Variants in KIAA1549L observed in about 807,000 individuals in gnomAD.
KIAA1549L encodes UPF0606 protein KIAA1549L.
KIAA1549L carries 88 observed loss-of-function variants against 160.7 expected under a neutral mutation model. That is an observed-to-expected ratio of 0.55 (90% CI 0.46 to 0.65). The LOEUF is 0.65. Among genes scored for constraint, KIAA1549L ranks in the 30% least tolerant of loss-of-function variants. KIAA1549L has a pLI of 0.00. For synonymous variants in KIAA1549L, 950 were observed against 976.7 expected, an observed-to-expected ratio of 0.97 and a Z score of 0.51; for missense variants, 2,258 against 2,437.5, an observed-to-expected ratio of 0.93 and a Z score of 1.55.
intron 1 of KIAA1549L, among the ~76,000 whole-genome samples, chr11:33,481,265 A>G (rs749497707): frequency 2.2e-4 from 32 of 146,550 alleles, no homozygotes; most frequent in Admixed American, 6.6e-4. Flanking sequence ...TGATATTACT[A>G]TTTATTTATT....
At chr11:33,558,845 T>C (rs1202392408) in intron 6 of KIAA1549L, among the ~76,000 whole-genome samples, 1 of 151,730 alleles carries the variant, frequency 6.6e-6, no homozygotes, top group Non-Finnish European at 1.5e-5. Flanking sequence ...TTTTCTTTTT[T>C]TTTTTTTTTG....
rs1312701571 is a variant in KIAA1549L at position 33,671,240 on chromosome 11, C to A, written c.*3086C>A. The A allele has an allele frequency of 6.6e-6, 1 of 152,190 alleles. No homozygotes were observed. The highest frequency in any genetic ancestry group is 6.5e-5 in the Admixed American group (1 of 15,276). 9.4% of individuals were successfully genotyped at this position (152,190 alleles called of 1,614,324 possible). A position where few individuals can be genotyped will look rare whatever the true frequency, so the allele number is the denominator to read the frequency against. ...ACTGCTGTTCTAGACTGTGGGGGTG[C>A]ATTCCTGTCTCAGCACCAAGGATCC... On this transcript the variant is annotated 3_prime_UTR_variant, in exon 21 of 21. Coordinates refer to ENST00000658780, the MANE Select transcript of KIAA1549L (RefSeq NM_012194.3).
Position 33,542,930 on chromosome 11 carries a change from A to T in KIAA1549L, c.1367A>T (p.Asn456Ile). The T allele has an allele frequency of 6.2e-7, 1 of 1,614,060 alleles. No homozygotes were observed. The highest frequency in any genetic ancestry group is 8.5e-7 in the Non-Finnish European group (1 of 1,179,890). ...NPLHLSAAPE[N>I]SRGPALSAEH... Reference sequence around the variant, plus strand: ...CTGCATTTGTCAGCAGCTCCAGAGAATTCCAGAGGGCCCGCCCTTTCGGCA... The same window carrying T: ...CTGCATTTGTCAGCAGCTCCAGAGATTTCCAGAGGGCCCGCCCTTTCGGCA... The change falls in exon 2 of 21, where the codon AAT becomes ATT. Residue 456 changes from asparagine to isoleucine, a missense_variant. Coordinates refer to ENST00000658780, the MANE Select transcript of KIAA1549L (RefSeq NM_012194.3).
At chr11:33,393,261 C>T (rs901460644) in intron 1 of KIAA1549L, among the ~76,000 whole-genome samples, 1 of 152,212 alleles carries the variant, frequency 6.6e-6, no homozygotes, top group Non-Finnish European at 1.5e-5. Context: ...ACCATCTACA[C>T]TTCTTCAAGA....
intron 6 of KIAA1549L, among the ~76,000 whole-genome samples, 180 bp downstream of exon 6, chr11:33,552,421 C>T (rs942038131): frequency 1.3e-5 from 2 of 152,124 alleles, no homozygotes; most frequent in Non-Finnish European, 2.9e-5. Flanking sequence ...TGTCACTGTG[C>T]ACCTATTGTG....
rs546330775 is a variant in KIAA1549L, at chr11:33,541,328, C to G, written c.239-474C>G. Among the ~76,000 whole-genome samples the G allele has an allele frequency of 3.3e-5, 5 of 152,286 alleles. No individual in the cohort carries two copies. In the South Asian group the frequency reaches 6.2e-4, roughly 19 times the overall value. On this transcript the variant is annotated intron_variant, in intron 1 of 20. Transcript: ENST00000658780. ...GGAAGATAAATATGTTTCATTGGAG[C>G]CATCTTTCCAAACGCAGACAACCTC...
chr11:33,446,362 TG>T (rs1470556441), intron 1 of KIAA1549L, among the ~76,000 whole-genome samples: 1 of 152,224 alleles, frequency 6.6e-6, no homozygotes, highest in African/African-American at 2.4e-5. Context: ...CCCAAAGTGC[TG>T]GGATTACGGA....
At position 33,419,170 on chromosome 11, in the gene KIAA1549L, G is replaced by A. The variant is rs542975760; in HGVS notation, c.238+42281G>A. Reference sequence around the variant, plus strand: ...TTACAGGCATGAGCCACCATGCCCCGCCTCCCTACATTTCTTTATGGTTTT... The same window carrying A: ...TTACAGGCATGAGCCACCATGCCCCACCTCCCTACATTTCTTTATGGTTTT... On this transcript the variant is annotated intron_variant, in intron 1 of 20. Transcript: ENST00000658780. Among the ~76,000 whole-genome samples the A allele has an allele frequency of 9.9e-5, 15 of 152,156 alleles. No individual in the cohort carries two copies. The East Asian group carries it at 1.4e-3, about 14-fold the overall frequency.
chr11:33,476,454 A>C lies in KIAA1549L; in HGVS notation c.239-65348A>C, dbSNP rs1852288744. On this transcript the variant is annotated intron_variant, in intron 1 of 20. Coordinates refer to ENST00000658780, the MANE Select transcript of KIAA1549L (RefSeq NM_012194.3). ...ATGCTAGACGCCCAGAATCCAGAGC[A>C]GTTTTGATACAGCAGTCTTTAAACA... Among the ~76,000 whole-genome samples, 3 of 152,188 alleles carry C rather than the reference A, an allele frequency of 2.0e-5. No homozygotes were observed. The South Asian group carries it at 6.2e-4, about 32-fold the overall frequency.
intron 16 of KIAA1549L, among the ~76,000 whole-genome samples, chr11:33,625,244 C>A (rs1380208395): frequency 6.6e-6 from 1 of 151,900 alleles, no homozygotes; most frequent in African/African-American, 2.4e-5. Flanking sequence ...TTTATAGCAG[C>A]ATGATTTATA....
intron 17 of KIAA1549L, among the ~76,000 whole-genome samples, chr11:33,654,695 A>G (rs1259381002): frequency 6.6e-6 from 1 of 151,960 alleles, no homozygotes; most frequent in Non-Finnish European, 1.5e-5. Flanking sequence ...CGCCATTCGT[A>G]TTTGCTTACC....
chr11:33,613,001 GT>G (rs1318196099), intron 15 of KIAA1549L, among the ~76,000 whole-genome samples: 1 of 152,030 alleles, frequency 6.6e-6, no homozygotes, highest in Non-Finnish European at 1.5e-5. Flanking sequence ...CATCCAGTCT[GT>G]CATTTATGGG....
chr11:33,451,636 A>G (rs1851723325), intron 1 of KIAA1549L, among the ~76,000 whole-genome samples: 1 of 152,254 alleles, frequency 6.6e-6, no homozygotes. Flanking sequence ...AAAGACAGAA[A>G]ACAGAAGTGT....
intron 16 of KIAA1549L, among the ~76,000 whole-genome samples, chr11:33,642,317 G>A (rs1851608076): frequency 6.6e-6 from 1 of 152,044 alleles, no homozygotes; most frequent in Non-Finnish European, 1.5e-5. Context: ...CCACCTCAAG[G>A]GTGTTATAAA....
rs561388014 is a variant in KIAA1549L, at chr11:33,405,738, A to C, written c.238+28849A>C. On this transcript the variant is annotated intron_variant, in intron 1 of 20. Coordinates refer to ENST00000658780, the MANE Select transcript of KIAA1549L (RefSeq NM_012194.3). ...GCACCTGTAGTCCCAGCTACTCAATAGGCTGATGCAGGAGAATCGCTTGAA... is the reference window on the plus strand; with the variant it reads ...GCACCTGTAGTCCCAGCTACTCAATCGGCTGATGCAGGAGAATCGCTTGAA... Among the ~76,000 whole-genome samples, 15 of 149,918 alleles carry C rather than the reference A, an allele frequency of 1.0e-4. 2 individuals are homozygous for C. In the South Asian group the frequency reaches 3.2e-3, roughly 32 times the overall value.
chr11:33,635,107 G>A (rs1175204783), intron 16 of KIAA1549L, among the ~76,000 whole-genome samples: 2 of 152,150 alleles, frequency 1.3e-5, no homozygotes, highest in South Asian at 2.1e-4. Flanking sequence ...CTCTGCTCCT[G>A]TACCATCATG....
intron 1 of KIAA1549L, among the ~76,000 whole-genome samples, chr11:33,408,116 CAATT>C (rs1186763545): frequency 6.6e-6 from 1 of 152,108 alleles, no homozygotes; most frequent in African/African-American, 2.4e-5. Context: ...AAACCTCAAT[CAATT>C]CTACTCTTCT....
intron 20 of KIAA1549L, 125 bp downstream of exon 20, chr11:33,661,139 A>G (rs916872299): frequency 5.2e-6 from 5 of 955,382 alleles, no homozygotes; most frequent in Non-Finnish European, 6.1e-6. Flanking sequence ...CCGGATGACT[A>G]AAGTCAGCCA....
chr11:33,450,751 C>G (rs1218297912), intron 1 of KIAA1549L: 1 of 152,232 alleles, frequency 6.6e-6, no homozygotes. Context: ...CAAACTCTCC[C>G]AGAGGGGGTT....
Sources: gnomAD v4.1 joint callset for allele counts (sites outside exome capture counted in the v4.1 genomes callset) on GRCh38, gnomAD v4.1.1 for gene constraint, MANE v1.5 for transcripts, NCBI Gene and HGNC (gene_info 2026-07-23, HGNC 2026-07-21) for gene names.